The following AUTS2 variants were observed in gnomAD, a reference collection of about 807,000 sequenced individuals.
AUTS2 encodes activator of transcription and developmental regulator AUTS2.
In AUTS2, 17 loss-of-function variants were observed where a neutral mutation model predicts 112.4. That is an observed-to-expected ratio of 0.15 (90% CI 0.10 to 0.23). The LOEUF (loss-of-function observed/expected upper bound fraction) is 0.23. AUTS2 is among the 10% of genes least tolerant of loss of function. The pLI is 1.00. For synonymous variants in AUTS2, 751 were observed against 702.7 expected (o/e 1.07, Z -1.09); for missense variants, 1,510 against 1,701.6 (o/e 0.89, Z 1.98).
At chr7:69,600,224 G>A (rs1176377142) in intron 1 of AUTS2, among the ~76,000 whole-genome samples, 3 of 151,964 alleles carry the variant, frequency 2.0e-5, no homozygotes, top group Non-Finnish European at 2.9e-5. Context: ...CCCCTCCACA[G>A]CAGATGGGCA....
intron 1 of AUTS2, among the ~76,000 whole-genome samples, chr7:69,796,300 T>C (rs535992643): frequency 6.6e-6 from 1 of 152,238 alleles, no homozygotes; most frequent in South Asian, 2.1e-4. Flanking sequence ...GGAGAATCAC[T>C]TGAGGCCAGA....
intron 2 of AUTS2, among the ~76,000 whole-genome samples, chr7:70,103,302 C>G (rs1327348743): frequency 2.0e-5 from 3 of 152,120 alleles, no homozygotes; most frequent in African/African-American, 7.2e-5. Context: ...CTGTTTAATC[C>G]CAGGTTAACC....
intron 6 of AUTS2, among the ~76,000 whole-genome samples, chr7:70,733,106 AC>A (rs1338022378): frequency 6.6e-6 from 1 of 152,218 alleles, no homozygotes; most frequent in Non-Finnish European, 1.5e-5. Context: ...AAACATTTAC[AC>A]CCTAGATTTT....
rs1434996862 is a variant in AUTS2 at position 70,774,108 on chromosome 7, A to G, written c.1902+9A>G. On this transcript the variant is annotated intron_variant, in intron 12 of 18. Coordinates refer to ENST00000342771, the MANE Select transcript of AUTS2 (RefSeq NM_015570.4). ...TCCAAAAGGACCCGAGGGTACGTGC[A>G]AAGTCAGGCTTGGTCTCAGGTAACA... 24 of 1,614,102 alleles carry G rather than the reference A, an allele frequency of 1.5e-5. No individual in the cohort carries two copies. Among genetic ancestry groups the G allele is most frequent in the Non-Finnish European group, 1.9e-5 (23 of 1,179,942 alleles).
chr7:70,590,744 T>C (rs1168019402), intron 5 of AUTS2, among the ~76,000 whole-genome samples: 1 of 152,162 alleles, frequency 6.6e-6, no homozygotes, highest in Non-Finnish European at 1.5e-5. Flanking sequence ...ACAGTCTGAG[T>C]TGTCAACAAA....
intron 5 of AUTS2, among the ~76,000 whole-genome samples, chr7:70,546,100 A>G (rs549054988): frequency 6.6e-6 from 1 of 152,334 alleles, no homozygotes; most frequent in South Asian, 2.1e-4. Flanking sequence ...TGGAAAATTA[A>G]CAAAATTAAA....
intron 5 of AUTS2, among the ~76,000 whole-genome samples, chr7:70,654,514 G>A (rs1262324617): frequency 1.3e-5 from 2 of 152,030 alleles, no homozygotes; most frequent in South Asian, 2.1e-4. Flanking sequence ...TGTATTAATG[G>A]CATTTATTCT....
At chr7:70,718,547 C>G (rs1325014319) in intron 6 of AUTS2, among the ~76,000 whole-genome samples, 2 of 152,134 alleles carry the variant, frequency 1.3e-5, no homozygotes, top group African/African-American at 2.4e-5. Flanking sequence ...CCTTTGATCC[C>G]AGCTACTTAG....
intron 1 of AUTS2, among the ~76,000 whole-genome samples, chr7:69,872,195 A>G (rs1397711773): frequency 6.6e-6 from 1 of 152,194 alleles, no homozygotes; most frequent in East Asian, 1.9e-4. Context: ...ACCTTAATAG[A>G]TAAGGAAGCA....
intron 5 of AUTS2, among the ~76,000 whole-genome samples, chr7:70,591,318 TC>T (rs1318072208): frequency 2.0e-5 from 3 of 148,580 alleles, no homozygotes; most frequent in Non-Finnish European, 4.5e-5. Context: ...GGAGGAAAGT[TC>T]CAAGACCCAC....
intron 2 of AUTS2, among the ~76,000 whole-genome samples, chr7:70,029,352 G>C (rs935807163): frequency 6.7e-6 from 1 of 150,264 alleles, no homozygotes; most frequent in Non-Finnish European, 1.5e-5. Context: ...ATTTTTAAGG[G>C]TACCTATCAC....
At chr7:69,847,820 T>TG (rs1792278301) in intron 1 of AUTS2, among the ~76,000 whole-genome samples, 1 of 152,222 alleles carries the variant, frequency 6.6e-6, no homozygotes, top group Non-Finnish European at 1.5e-5. Context: ...TGCAGAGGCC[T>TG]GACCTGGCAC....
chr7:69,934,964 C>T (rs1717021651), intron 2 of AUTS2, among the ~76,000 whole-genome samples: 3 of 152,122 alleles, frequency 2.0e-5, no homozygotes, highest in Non-Finnish European at 4.4e-5. Flanking sequence ...TTGCCATTCC[C>T]GAAGGAAAAG....
intron 3 of AUTS2, among the ~76,000 whole-genome samples, chr7:70,124,350 T>A (rs536227466): frequency 6.6e-6 from 1 of 152,330 alleles, no homozygotes; most frequent in East Asian, 1.9e-4. Context: ...GCAGAAGTGC[T>A]TAAGTTTAAT....
chr7:69,863,048 G>A lies in AUTS2; in HGVS notation c.310-36238G>A, dbSNP rs1793062534. ...CACATGTTCTTTTCCACATTCACCT[G>A]AGTCTTCCAAAGATACGAGGACTCG... On this transcript the variant is annotated intron_variant, in intron 1 of 18. Coordinates refer to ENST00000342771, the MANE Select transcript of AUTS2 (RefSeq NM_015570.4). Among the ~76,000 whole-genome samples the A allele has an allele frequency of 3.3e-5, 5 of 150,986 alleles. No individual in the cohort carries two copies. In the South Asian group the frequency reaches 1.1e-3, roughly 32 times the overall value.
At chr7:70,104,181 T>C (rs1804646491) in intron 2 of AUTS2, among the ~76,000 whole-genome samples, 1 of 151,946 alleles carries the variant, frequency 6.6e-6, no homozygotes, top group South Asian at 2.1e-4. Flanking sequence ...TACACCTTTT[T>C]TTTTTTTTTA....
chr7:70,110,929 T>A (rs996215559), intron 2 of AUTS2, among the ~76,000 whole-genome samples: 5 of 140,204 alleles, frequency 3.6e-5, no homozygotes, highest in Admixed American at 7.8e-5. Flanking sequence ...TGGAGCGCAG[T>A]GGCGCGATCT....
At chr7:70,146,891 G>T (rs544700348) in intron 4 of AUTS2, among the ~76,000 whole-genome samples, 1 of 152,162 alleles carries the variant, frequency 6.6e-6, no homozygotes, top group Admixed American at 6.6e-5. Flanking sequence ...TCAGAACCTG[G>T]TTAAAGCCAG....
At chr7:70,485,512 G>T (rs937717370) in intron 5 of AUTS2, among the ~76,000 whole-genome samples, 1 of 152,090 alleles carries the variant, frequency 6.6e-6, no homozygotes, top group African/African-American at 2.4e-5. Context: ...CTACATATTG[G>T]ATATAGTGTA....
Sources: gnomAD v4.1 joint callset for allele counts (sites outside exome capture counted in the v4.1 genomes callset) on GRCh38, gnomAD v4.1.1 for gene constraint, MANE v1.5 for transcripts, NCBI Gene and HGNC (gene_info 2026-07-23, HGNC 2026-07-21) for gene names.